The following CWF19L1 variants were observed in gnomAD, a reference collection of about 807,000 sequenced individuals.
CWF19L1 encodes CWF19 like cell cycle control factor 1, also known as CWF19-like protein 1.
In CWF19L1, 60 loss-of-function variants were observed where a neutral mutation model predicts 69.7. That is an observed-to-expected ratio of 0.86 (90% CI 0.70 to 1.07). The LOEUF is 1.07. CWF19L1 is among the 50% of genes least tolerant of loss of function. The probability of loss-of-function intolerance (pLI) is 0.00; values close to 1 mark genes in which losing one functional copy is unlikely to be tolerated. For missense variants in CWF19L1, 591 were observed against 638.9 expected (o/e 0.92, Z 0.81); for synonymous variants, 209 against 222.2 (o/e 0.94, Z 0.53).
rs966927321 is a variant in CWF19L1 at position 100,260,198 on chromosome 10, T to A, written c.289+20A>T. The A allele has an allele frequency of 6.8e-7, 1 of 1,477,708 alleles. No homozygotes were observed. Among genetic ancestry groups the A allele is most frequent in the Non-Finnish European group, 9.3e-7 (1 of 1,074,494 alleles). 91.5% of individuals were successfully genotyped at this position (1,477,708 alleles called of 1,614,324 possible). A position where few individuals can be genotyped will look rare whatever the true frequency, so the allele number is the denominator to read the frequency against. On this transcript the variant is annotated intron_variant, in intron 4 of 13. Coordinates refer to ENST00000354105, the MANE Select transcript of CWF19L1 (RefSeq NM_018294.6). The stretch of plus-strand genomic sequence containing the variant: ...CAAAAAACAAAAAACAAAAAAAAAA[T>A]ACAACAAGTATCAGCTTACCCAGAT...
intron 1 of CWF19L1, among the ~76,000 whole-genome samples, chr10:100,263,013 T>C (rs1323648803): frequency 6.6e-6 from 1 of 151,822 alleles, no homozygotes; most frequent in East Asian, 1.9e-4. Flanking sequence ...CACTGCAACC[T>C]CCACTCCACT....
chr10:100,264,584 T>C (rs1847510602), intron 1 of CWF19L1, among the ~76,000 whole-genome samples: 1 of 149,388 alleles, frequency 6.7e-6, no homozygotes, highest in African/African-American at 2.5e-5. Context: ...TGCTCTTTAC[T>C]GTTTAGAGTA....
chr10:100,257,287 CTTTTTT>C (rs55939570), intron 4 of CWF19L1, among the ~76,000 whole-genome samples: 3 of 105,848 alleles, frequency 2.8e-5, no homozygotes, highest in Non-Finnish European at 3.7e-5. Flanking sequence ...AGTGCTTTAC[CTTTTTT>C]TTTTTTTTTT....
chr10:100,234,310 A>G lies in CWF19L1; in HGVS notation c.1473-939T>C, dbSNP rs375980203. Among the ~76,000 whole-genome samples, 3 of 152,234 alleles carry G rather than the reference A, an allele frequency of 2.0e-5. No individual in the cohort carries two copies. The East Asian group carries it at 5.8e-4, about 29-fold the overall frequency. ...ACAGCTGAAAAAAATATGCCATTTC[A>G]AATATTTTGTTAACTATAAAATGCT... On this transcript the variant is annotated intron_variant, in intron 13 of 13. Transcript: ENST00000354105.
chr10:100,260,317 G>C lies in CWF19L1; in HGVS notation c.190C>G (p.Pro64Ala), dbSNP rs747805020. ...GCACCAAGCACATATGTCTGAATAG[G>C]AGCTAGTGAGGGAAACAGACATGAC... The part of the protein sequence containing the change: ...EEYKTGIKKA[P>A]IQTYVLGANN... The change falls in exon 4 of 14, where the codon CCT (proline) becomes GCT (alanine). Residue 64 changes from proline (P) to alanine (A), a missense_variant and splice_region_variant. Physicochemically the swap from Pro to Ala is conservative, Grantham distance 27. Coordinates refer to ENST00000354105, the MANE Select transcript of CWF19L1 (RefSeq NM_018294.6). The C allele has an allele frequency of 6.4e-7, 1 of 1,573,440 alleles. No homozygotes were observed. Among genetic ancestry groups the C allele is most frequent in the South Asian group, 1.1e-5 (1 of 89,192 alleles).
At chr10:100,266,872 G>A (rs1847611085) in intron 1 of CWF19L1, among the ~76,000 whole-genome samples, 1 of 149,816 alleles carries the variant, frequency 6.7e-6, no homozygotes, top group Non-Finnish European at 1.5e-5. Flanking sequence ...TGTTTTGAGA[G>A]TCTCGTTCTG....
intron 7 of CWF19L1, among the ~76,000 whole-genome samples, chr10:100,247,255 C>G (rs1239154591): frequency 2.0e-5 from 3 of 152,160 alleles, no homozygotes; most frequent in Admixed American, 2.0e-4. Context: ...GCTGTATAAC[C>G]CTTGAAGACA....
rs115304140 is a variant in CWF19L1 at position 100,261,867 on chromosome 10, C to T, written c.108+112G>A. On this transcript the variant is annotated intron_variant, in intron 2 of 13. Coordinates refer to ENST00000354105, the MANE Select transcript of CWF19L1 (RefSeq NM_018294.6). ...TAAGTTCCTATGCTCATGAAGGGAA[C>T]TCAATTTAACAAAAATGGTATGTGT... The T allele has an allele frequency of 2.4e-3, 2,156 of 884,802 alleles. 41 individuals are homozygous for T. In the African/African-American group the frequency reaches 0.033, roughly 14 times the overall value. The allele number at this position is 884,802 out of a possible 1,614,324, so 54.8% of individuals were successfully genotyped here.
intron 4 of CWF19L1, among the ~76,000 whole-genome samples, chr10:100,257,145 C>A: frequency 6.6e-6 from 1 of 152,210 alleles, no homozygotes; most frequent in South Asian, 2.1e-4. Flanking sequence ...TCCCTTTCAT[C>A]TACTGAGTCT....
chr10:100,236,340 T>C (rs1846435862), intron 12 of CWF19L1, among the ~76,000 whole-genome samples: 1 of 152,014 alleles, frequency 6.6e-6, no homozygotes, highest in African/African-American at 2.4e-5. Context: ...AACTCCTGGC[T>C]TCAAGTGCTC....
rs1453783466 is a variant in CWF19L1 at position 100,256,418 on chromosome 10, T to A, written c.348A>T (p.Thr116=). The A allele has an allele frequency of 6.2e-6, 10 of 1,614,226 alleles. No homozygotes were observed. The highest frequency in any genetic ancestry group is 7.6e-6 in the Non-Finnish European group (9 of 1,180,042). The change falls in exon 5 of 14, where the codon ACA becomes ACT. Residue 116 remains threonine, a synonymous_variant. Coordinates refer to ENST00000354105, the MANE Select transcript of CWF19L1 (RefSeq NM_018294.6). The part of the protein sequence containing the change: ...SGLQIVYLSG[T]ESLNEPVPGY... ...CTGGTACTGGCTCATTTAAGGATTC[T>A]GTCCCACTGAGGTACACAATCTGCA...
chr10:100,262,590 C>T (rs962337589), intron 1 of CWF19L1: 5 of 429,170 alleles, frequency 1.2e-5, no homozygotes, highest in African/African-American at 8.6e-5. Context: ...TGGAGGAAGA[C>T]TCAGTTTAAG....
intron 1 of CWF19L1, among the ~76,000 whole-genome samples, chr10:100,264,357 AAC>A (rs1373985160): frequency 6.6e-6 from 1 of 152,168 alleles, no homozygotes; most frequent in African/African-American, 2.4e-5. Context: ...CATCCTGGTT[AAC>A]ACAGTGAAAC....
In CWF19L1 at chr10:100,233,157, T is replaced by G. The variant is rs1846329319; in HGVS notation, c.*70A>C. On this transcript the variant is annotated 3_prime_UTR_variant, in exon 14 of 14. Transcript: ENST00000354105. ...AGCGAGACTTTGTCTCAAAAAAAAT[T>G]CTTTTAATTAAAAAAAAAAAAAAGC... 2 of 1,453,540 alleles carry G rather than the reference T, an allele frequency of 1.4e-6. No homozygotes were observed. The highest frequency in any genetic ancestry group is 2.5e-4 in the Middle Eastern group (1 of 3,982). The allele number at this position is 1,453,540 out of a possible 1,614,324, so 90.0% of individuals were successfully genotyped here.
chr10:100,261,872 T>G (rs1351027251), intron 2 of CWF19L1, 107 bp downstream of exon 2: 19 of 965,284 alleles, frequency 2.0e-5, no homozygotes, highest in Non-Finnish European at 2.7e-5. Context: ...GGGAACTCAA[T>G]TTAACAAAAA....
At chr10:100,259,952 G>T (rs915239008) in intron 4 of CWF19L1, among the ~76,000 whole-genome samples, 1 of 152,170 alleles carries the variant, frequency 6.6e-6, no homozygotes, top group Non-Finnish European at 1.5e-5. Flanking sequence ...GGATCACGAG[G>T]TAAGGAGATC....
At chr10:100,234,300 A>G (rs1025271686) in intron 13 of CWF19L1, among the ~76,000 whole-genome samples, 1 of 152,216 alleles carries the variant, frequency 6.6e-6, no homozygotes, top group African/African-American at 2.4e-5. Context: ...TGAAAAAAAT[A>G]TGCCATTTCA....
chr10:100,243,587 G>A (rs998840338), intron 10 of CWF19L1, 111 bp downstream of exon 10: 23 of 971,464 alleles, frequency 2.4e-5, no homozygotes, highest in African/African-American at 6.5e-5. Context: ...GAAAATCACC[G>A]AATCATACAC....
intron 1 of CWF19L1, among the ~76,000 whole-genome samples, chr10:100,264,588 T>C (rs1019147096): frequency 6.8e-5 from 10 of 147,770 alleles, no homozygotes; most frequent in Non-Finnish European, 1.5e-4. Flanking sequence ...CTTTACTGTT[T>C]AGAGTACACT....
Sources: allele counts gnomAD v4.1 joint callset (sites outside exome capture counted in the v4.1 genomes callset), GRCh38; gene constraint gnomAD v4.1.1; transcripts MANE v1.5; gene names NCBI Gene and HGNC (gene_info 2026-07-23, HGNC 2026-07-21).